The following ABHD18 variants were observed in gnomAD, a reference collection of about 807,000 sequenced individuals.
ABHD18 encodes cardiolipin-specific deacylase, mitochondrial.
Under a neutral mutation model 65.9 loss-of-function variants are expected in ABHD18, and 55 were observed. That is an observed-to-expected ratio of 0.84 (90% CI 0.67 to 1.05). The LOEUF (loss-of-function observed/expected upper bound fraction) is 1.05. ABHD18 is among the 50% of genes least tolerant of loss of function. The probability of loss-of-function intolerance (pLI) is 0.00; values close to 1 mark genes in which losing one functional copy is unlikely to be tolerated. For synonymous variants in ABHD18, 181 were observed against 180.2 expected (o/e 1.00, Z -0.04); for missense variants, 533 against 558.5 (o/e 0.95, Z 0.46).
Position 128,028,524 on chromosome 4 carries a change from G to C in ABHD18, c.851G>C (p.Ser284Thr). The C allele has an allele frequency of 6.2e-7, 1 of 1,607,276 alleles. No homozygotes were observed. Among genetic ancestry groups the C allele is most frequent in the African/African-American group, 1.3e-5 (1 of 74,824 alleles). Residue 284 changes from serine (S) to threonine (T), a missense_variant, in exon 11 of 13, where the codon AGT becomes ACT. Transcript: ENST00000645843. ...GAGTTTGTGAAACACTTCACTAGCA[G>C]TGCAGACAAGCTAACTAACCTTAAT... is the stretch of plus-strand genomic sequence containing the variant. ...GQEFVKHFTS[S>T]ADKLTNLNLV...
chr4:128,002,650 G>C (rs1057289787), intron 4 of ABHD18, among the ~76,000 whole-genome samples: 2 of 150,814 alleles, frequency 1.3e-5, no homozygotes, highest in African/African-American at 4.9e-5. Flanking sequence ...TTAATACTTT[G>C]TTTGTTTGTT....
At chr4:128,015,594 A>T (rs914706606) in intron 7 of ABHD18, among the ~76,000 whole-genome samples, 1 of 152,118 alleles carries the variant, frequency 6.6e-6, no homozygotes, top group African/African-American at 2.4e-5. Context: ...TGGACGAAGG[A>T]TAGCATAGTT....
At chr4:127,996,048 C>A (rs1751675966) in intron 4 of ABHD18, among the ~76,000 whole-genome samples, 1 of 152,088 alleles carries the variant, frequency 6.6e-6, no homozygotes, top group Non-Finnish European at 1.5e-5. Flanking sequence ...TGGAAAGATA[C>A]AGGCAGGAAT....
Position 127,989,830 on chromosome 4 carries a change from T to A in ABHD18, c.278+9T>A, listed in dbSNP as rs2149086690. The A allele has an allele frequency of 6.6e-7, 1 of 1,520,222 alleles. No individual in the cohort carries two copies. Among genetic ancestry groups the A allele is most frequent in the East Asian group, 2.3e-5 (1 of 43,222 alleles). 94.2% of individuals were successfully genotyped at this position (1,520,222 alleles called of 1,614,324 possible). On this transcript the variant is annotated intron_variant, in intron 4 of 12. Transcript: ENST00000645843. ...GAATCTGTTATTGCAAGGTAAGAAT[T>A]TTTTTGTTCAAAAAGATGAATACAT...
At chr4:127,998,198 T>C (rs948055634) in intron 4 of ABHD18, among the ~76,000 whole-genome samples, 3 of 151,810 alleles carry the variant, frequency 2.0e-5, no homozygotes, top group African/African-American at 7.3e-5. Flanking sequence ...TTCACTTCTT[T>C]ATCTCACTTC....
At position 128,038,994 on chromosome 4, in the gene ABHD18, T is replaced by C. The variant is rs185998000; in HGVS notation, c.*3181T>C. The C allele has an allele frequency of 6.6e-6, 1 of 150,806 alleles. No individual in the cohort carries two copies. Among genetic ancestry groups the C allele is most frequent in the Non-Finnish European group, 1.5e-5 (1 of 67,786 alleles). 9.3% of individuals were successfully genotyped at this position (150,806 alleles called of 1,614,324 possible). A position where few individuals can be genotyped will look rare whatever the true frequency, so the allele number is the denominator to read the frequency against. ...ACTTTTCTTAGGATTTTTTAATCTA[T>C]TCCCCCCAAAATGGTGGCTTAAGTG... is the stretch of plus-strand genomic sequence containing the variant. On this transcript the variant is annotated 3_prime_UTR_variant, in exon 13 of 13. Coordinates refer to ENST00000645843, the MANE Select transcript of ABHD18 (RefSeq NM_001358451.3).
chr4:127,996,453 G>A (rs113462366), intron 4 of ABHD18, among the ~76,000 whole-genome samples: 3 of 151,998 alleles, frequency 2.0e-5, no homozygotes, highest in African/African-American at 7.3e-5. Flanking sequence ...AGGGGAGGGG[G>A]TGTACGAACA....
intron 4 of ABHD18, among the ~76,000 whole-genome samples, chr4:128,000,421 A>G (rs1752470299): frequency 6.6e-6 from 1 of 152,178 alleles, no homozygotes; most frequent in Admixed American, 6.5e-5. Context: ...TTTGCCAAAG[A>G]TCAGGTGGTT....
rs1275485454 is a variant in ABHD18 at position 128,021,181 on chromosome 4, A to G, written c.744A>G (p.Gln248=). 1 of 1,549,034 alleles carries G rather than the reference A, an allele frequency of 6.5e-7. No individual in the cohort carries two copies. Among genetic ancestry groups the G allele is most frequent in the Admixed American group, 2.0e-5 (1 of 50,984 alleles). The change falls in exon 10 of 13, where the codon CAA becomes CAG. Residue 248 remains glutamine, a synonymous_variant. Transcript: ENST00000645843. ...KSINWRELEK[Q]YYTQTVYEEE... ...TTAATTGGAGGGAGCTGGAAAAGCA[A>G]TATTATACCCAGACAGTTTATGAAG...
At chr4:127,968,465 C>T (rs1282385262) in intron 1 of ABHD18, among the ~76,000 whole-genome samples, 2 of 152,026 alleles carry the variant, frequency 1.3e-5, no homozygotes, top group African/African-American at 4.8e-5. Context: ...TTTAAATTTT[C>T]ATTTATGCCT....
In ABHD18 at chr4:127,980,825, C is replaced by CAAAAAAA. The variant is rs768450115; in HGVS notation, c.-17-2098_-17-2092dup. 4.3e-3 allele frequency among the ~76,000 whole-genome samples: 198 copies of CAAAAAAA among 46,548 alleles called. 4 individuals are homozygous for CAAAAAAA. Among genetic ancestry groups the CAAAAAAA allele is most frequent in the African/African-American group, 0.012 (190 of 15,796 alleles). 30.5% of individuals were successfully genotyped at this position (46,548 alleles called of 152,430 possible). On this transcript the variant is annotated intron_variant, in intron 1 of 12. Coordinates refer to ENST00000645843, the MANE Select transcript of ABHD18 (RefSeq NM_001358451.3). ...TGGGCAACAGAGCAAGACTGCATCT[C>CAAAAAAA]AAAAAAAAAAAAAAAAAAAAAAGTG... is the stretch of plus-strand genomic sequence containing the variant.
chr4:128,025,410 T>G (rs1757196336), intron 10 of ABHD18, among the ~76,000 whole-genome samples: 1 of 152,178 alleles, frequency 6.6e-6, no homozygotes, highest in African/African-American at 2.4e-5. Flanking sequence ...AGTGCTGGGA[T>G]TACAGGTATG....
intron 3 of ABHD18, among the ~76,000 whole-genome samples, chr4:127,989,347 A>G (rs889345475): frequency 6.6e-6 from 1 of 152,222 alleles, no homozygotes; most frequent in Middle Eastern, 3.2e-3. Context: ...AATCAATAAG[A>G]TCTAGTATTT....
chr4:127,992,248 G>T (rs1291541446), intron 4 of ABHD18, among the ~76,000 whole-genome samples: 3 of 152,076 alleles, frequency 2.0e-5, no homozygotes, highest in Non-Finnish European at 4.4e-5. Context: ...TAGGAGGGCG[G>T]ATCACCTGAC....
intron 7 of ABHD18, among the ~76,000 whole-genome samples, chr4:128,013,697 CAAAA>C (rs779571090): frequency 8.9e-6 from 1 of 112,128 alleles, no homozygotes; most frequent in Non-Finnish European, 1.9e-5. Flanking sequence ...GACTCCGTCT[CAAAA>C]AAAAAAAAAA....
intron 8 of ABHD18, among the ~76,000 whole-genome samples, chr4:128,018,392 T>C (rs951104865): frequency 6.6e-6 from 1 of 152,128 alleles, no homozygotes; most frequent in African/African-American, 2.4e-5. Context: ...ATTATAGGTG[T>C]GGGCCACTGC....
rs1324015956 is a variant in ABHD18 at position 128,028,823 on chromosome 4, G to A, written c.1150G>A (p.Asp384Asn). The change falls in exon 11 of 13, where the codon GAT (aspartate) becomes AAT (asparagine). Residue 384 changes from aspartate to asparagine, a missense_variant. This residue lies in a region of ABHD18 where 220 missense variants were observed against 226.8 expected (regional missense o/e 0.97). Transcript: ENST00000645843. ...TTTAATATTTATGAAAGGAGTCATG[G>A]ATGAATGTACTCATGTAGCAAATTT... is the stretch of plus-strand genomic sequence containing the variant. ...ESLIFMKGVM[D>N]ECTHVANFSV... 3.8e-6 allele frequency: 6 copies of A among 1,587,548 alleles called. No individual in the cohort carries two copies. Among genetic ancestry groups the A allele is most frequent in the Non-Finnish European group, 5.1e-6 (6 of 1,169,920 alleles).
intron 12 of ABHD18, among the ~76,000 whole-genome samples, chr4:128,033,570 C>T (rs1446617379): frequency 7.5e-6 from 1 of 133,344 alleles, no homozygotes; most frequent in Non-Finnish European, 1.5e-5. Flanking sequence ...GAGTCTCCCT[C>T]TGTCACTCAG....
intron 12 of ABHD18, chr4:128,031,009 C>G: frequency 1.9e-6 from 2 of 1,036,436 alleles, no homozygotes; most frequent in Non-Finnish European, 2.3e-6. Context: ...TTTTTTCACT[C>G]TATTCTGATG....
Sources: allele counts gnomAD v4.1 joint callset (sites outside exome capture counted in the v4.1 genomes callset), GRCh38; gene constraint gnomAD v4.1.1; regional missense constraint gnomAD v4.1.1; transcripts MANE v1.5; gene names NCBI Gene and HGNC (gene_info 2026-07-23, HGNC 2026-07-21).